OTUD7B: variants seen among roughly 807,000 people sequenced by gnomAD.
The protein encoded by OTUD7B is OTU deubiquitinase 7B, also known as OTU domain-containing protein 7B.
In OTUD7B, 34 loss-of-function variants were observed where a neutral mutation model predicts 82.2. The ratio of observed to expected loss-of-function variants is 0.41; its 90% CI spans 0.31 to 0.55. The LOEUF is 0.55. Among genes scored for constraint, OTUD7B ranks in the 20% least tolerant of loss-of-function variants. OTUD7B has a pLI of 0.20. For synonymous variants in OTUD7B, 398 were observed against 402.7 expected, an observed-to-expected ratio of 0.99 and a Z score of 0.14; for missense variants, 944 against 1,062.1, an observed-to-expected ratio of 0.89 and a Z score of 1.55.
At chr1:150,052,744 C>G in the OTUD7B span, among the ~76,000 whole-genome samples, 1 of 151,670 alleles carries the variant, frequency 6.6e-6, no homozygotes, top group East Asian at 1.9e-4. Flanking sequence ...ATCACATTAC[C>G]TGACTTCAAA....
the OTUD7B span, among the ~76,000 whole-genome samples, chr1:150,045,021 A>C: frequency 6.6e-6 from 1 of 152,128 alleles, no homozygotes; most frequent in Non-Finnish European, 1.5e-5. Flanking sequence ...AATTAGTAAT[A>C]ATACCAATAA....
intron 2 of OTUD7B, among the ~76,000 whole-genome samples, chr1:149,976,776 T>A (rs782758795): frequency 6.6e-6 from 1 of 152,084 alleles, no homozygotes; most frequent in Non-Finnish European, 1.5e-5. Flanking sequence ...GATCCCATCA[T>A]GAAAACCCTA....
the OTUD7B span, among the ~76,000 whole-genome samples, chr1:150,065,477 C>T: frequency 6.6e-6 from 1 of 152,124 alleles, no homozygotes; most frequent in Non-Finnish European, 1.5e-5. Context: ...TTAATGTAGT[C>T]ATTCATATTT....
intron 3 of OTUD7B, among the ~76,000 whole-genome samples, chr1:149,968,480 T>C (rs1649674731): frequency 6.6e-6 from 1 of 152,166 alleles, no homozygotes; most frequent in African/African-American, 2.4e-5. Context: ...ATGACACTTG[T>C]AATTCCCAAG....
Position 149,944,662 on chromosome 1 carries a change from G to C in OTUD7B, c.1727C>G (p.Pro576Arg). 6.2e-7 allele frequency: 1 copy of C among 1,613,804 alleles called. No homozygotes were observed. The highest frequency in any genetic ancestry group is 2.2e-5 in the East Asian group (1 of 44,866). ...AAGDGPVSEKPPAESVGNGGS... is the reference protein window; with the variant it reads ...AAGDGPVSEKRPAESVGNGGS... ...TCCGTTACCAACAGACTCAGCTGGG[G>C]GCTTCTCAGACACAGGCCCATCCCC... is the stretch of plus-strand genomic sequence containing the variant. The change falls in exon 12 of 12, where the codon CCC (proline) becomes CGC (arginine). Residue 576 changes from proline to arginine, a missense_variant. Transcript: ENST00000581312.
intron 2 of OTUD7B, among the ~76,000 whole-genome samples, chr1:149,975,140 A>G (rs1453010724): frequency 6.6e-6 from 1 of 152,168 alleles, no homozygotes; most frequent in Non-Finnish European, 1.5e-5. Context: ...TTTATTCTGC[A>G]TAAACACTCT....
intron 1 of OTUD7B, among the ~76,000 whole-genome samples, chr1:150,000,799 C>T (rs1443568883): frequency 2.6e-5 from 4 of 151,814 alleles, no homozygotes; most frequent in African/African-American, 9.7e-5. Context: ...GTCAATAGGG[C>T]AAAACTCCGT....
upstream of OTUD7B, among the ~76,000 whole-genome samples, chr1:150,014,942 T>C (rs1553788182): frequency 6.6e-6 from 1 of 152,158 alleles, no homozygotes; most frequent in Admixed American, 6.5e-5. Flanking sequence ...CCAGGGTTTC[T>C]TGATAACATT....
At chr1:150,031,709 C>T in the OTUD7B span, among the ~76,000 whole-genome samples, 4 of 152,178 alleles carry the variant, frequency 2.6e-5, no homozygotes, top group African/African-American at 9.7e-5. Context: ...CACCTTCCAG[C>T]TCTTTGACCT....
the OTUD7B span, among the ~76,000 whole-genome samples, chr1:150,039,854 A>G: frequency 1.3e-5 from 2 of 152,292 alleles, no homozygotes; most frequent in African/African-American, 4.8e-5. Flanking sequence ...TTTTCCTTAT[A>G]CGGAGCCATT....
chr1:150,011,677 C>T (rs1173816183), upstream of OTUD7B, among the ~76,000 whole-genome samples: 1 of 152,186 alleles, frequency 6.6e-6, no homozygotes, highest in African/African-American at 2.4e-5. Context: ...TTATGACAAA[C>T]ACAAAACGAT....
At chr1:150,063,765 A>T in the OTUD7B span, among the ~76,000 whole-genome samples, 1 of 152,228 alleles carries the variant, frequency 6.6e-6, no homozygotes, top group Non-Finnish European at 1.5e-5. Context: ...AAAGCTATTA[A>T]ATGCTTTTGC....
chr1:150,034,267 T>G, the OTUD7B span, among the ~76,000 whole-genome samples: 7 of 152,270 alleles, frequency 4.6e-5, no homozygotes, highest in South Asian at 1.5e-3. Context: ...GGGATATGAT[T>G]AAAGGTATTG....
intron 5 of OTUD7B, among the ~76,000 whole-genome samples, chr1:149,965,281 C>T (rs1326044549): frequency 2.6e-5 from 4 of 152,024 alleles, no homozygotes; most frequent in African/African-American, 7.2e-5. Flanking sequence ...GCAGGAGAAT[C>T]GCTTGAACCC....
At chr1:149,966,010 T>G (rs1553776490) in intron 4 of OTUD7B, 132 bp from the exon 5 acceptor site, 1 of 634,152 alleles carries the variant, frequency 1.6e-6, no homozygotes. Context: ...TTGATTACTC[T>G]TTATATCTTC....
intron 11 of OTUD7B, 74 bp from the exon 12 acceptor site, chr1:149,945,139 C>A: frequency 6.5e-7 from 1 of 1,528,456 alleles, no homozygotes; most frequent in Non-Finnish European, 8.7e-7. Context: ...GGACCTCTAG[C>A]CCATCCATCT....
At chr1:149,954,152 C>G (rs993236683) in intron 7 of OTUD7B, among the ~76,000 whole-genome samples, 1 of 152,112 alleles carries the variant, frequency 6.6e-6, no homozygotes, top group Non-Finnish European at 1.5e-5. Flanking sequence ...CTTCCAGTTT[C>G]TGCCCATTCA....
Position 149,944,551 on chromosome 1 carries a change from C to A in OTUD7B, c.1838G>T (p.Gly613Val). 1 of 1,614,070 alleles carries A rather than the reference C, an allele frequency of 6.2e-7. No individual in the cohort carries two copies. Among genetic ancestry groups the A allele is most frequent in the East Asian group, 2.2e-5 (1 of 44,864 alleles). Residue 613 changes from glycine to valine, a missense_variant, in exon 12 of 12, where the codon GGA (glycine) becomes GTA (valine). This residue lies in a region of OTUD7B where 412 missense variants were observed against 418.7 expected (regional missense o/e 0.98). Transcript: ENST00000581312. The part of the protein sequence containing the change: ...MQGEGKFIFV[G>V]TLKMGHRHQY... ...GTGACGGTGACCCATCTTCAGGGTT[C>A]CAACAAAAATAAACTTCCCCTCCCC...
Position 149,985,470 on chromosome 1 carries a change from G to A in OTUD7B, c.-66-7894C>T, listed in dbSNP as rs149629781. Among the ~76,000 whole-genome samples the A allele has an allele frequency of 2.7e-3, 414 of 152,224 alleles. 3 individuals are homozygous for A. Among genetic ancestry groups the A allele is most frequent in the Non-Finnish European group, 4.1e-3 (281 of 68,010 alleles). ...CGGGCATGCTGGCTCACGCCTGGTG[G>A]CTTGCACCTATAATCTTAGCACTTT... On this transcript the variant is annotated intron_variant, in intron 1 of 11. Coordinates refer to ENST00000581312, the MANE Select transcript of OTUD7B (RefSeq NM_020205.4).
Sources: gnomAD v4.1 joint callset for allele counts (sites outside exome capture counted in the v4.1 genomes callset) on GRCh38, gnomAD v4.1.1 for gene constraint, gnomAD v4.1.1 regional missense constraint, MANE v1.5 for transcripts, NCBI Gene and HGNC (gene_info 2026-07-23, HGNC 2026-07-21) for gene names.